The following CUX1 variants were observed in gnomAD, a reference collection of about 807,000 sequenced individuals.
The protein encoded by CUX1 is cut like homeobox 1.
A neutral mutation model predicts 158.8 loss-of-function variants in CUX1; 31 were observed. That is an observed-to-expected ratio of 0.20 (90% confidence interval 0.15 to 0.26). CUX1 has a LOEUF of 0.26. Among genes scored for constraint, CUX1 ranks in the 10% least tolerant of loss-of-function variants. The pLI is 1.00. For synonymous variants in CUX1, 879 were observed against 862.1 expected (o/e 1.02, Z -0.34); for missense variants, 1,589 against 2,014.6 (o/e 0.79, Z 4.04).
upstream of CUX1, chr7:101,816,090 G>T (rs1200889277): frequency 2.9e-6 from 4 of 1,391,408 alleles, no homozygotes; most frequent in Non-Finnish European, 3.8e-6. Flanking sequence ...TACAGCAGCT[G>T]CAGGTCAGGC....
intron 11 of CUX1, 81 bp downstream of exon 11, chr7:102,178,738 C>T: frequency 7.1e-7 from 1 of 1,415,190 alleles, no homozygotes; most frequent in African/African-American, 1.4e-5. Flanking sequence ...ACACCCTCTG[C>T]CTTTCTGGAC....
chr7:101,879,784 C>T (rs1562959168), intron 1 of CUX1, among the ~76,000 whole-genome samples: 2 of 152,268 alleles, frequency 1.3e-5, no homozygotes, highest in Admixed American at 1.3e-4. Flanking sequence ...CCTGCAGGTT[C>T]AGCTCCTGCC....
chr7:102,157,367 T>C (rs1398849436), intron 8 of CUX1, among the ~76,000 whole-genome samples: 1 of 151,862 alleles, frequency 6.6e-6, no homozygotes, highest in Non-Finnish European at 1.5e-5. Flanking sequence ...AGTTCCAGCC[T>C]GTGGCCTTCT....
chr7:102,250,329 A>G lies in CUX1; in HGVS notation c.*1287A>G. 1 of 985,462 alleles carries G rather than the reference A, an allele frequency of 1.0e-6. No homozygotes were observed. Among genetic ancestry groups the G allele is most frequent in the Non-Finnish European group, 1.2e-6 (1 of 829,980 alleles). The allele number at this position is 985,462 out of a possible 1,614,324, so 61.0% of individuals were successfully genotyped here. A position where few individuals can be genotyped will look rare whatever the true frequency, so the allele number is the denominator to read the frequency against. The stretch of plus-strand genomic sequence containing the variant: ...GCCAGACGGGCCCATCCCCAAGTAG[A>G]TAGCAGTCTACGGATCTCTCTCTGG... On this transcript the variant is annotated 3_prime_UTR_variant, in exon 24 of 24. Coordinates refer to ENST00000292535, the MANE Select transcript of CUX1 (RefSeq NM_181552.4).
intron 1 of CUX1, among the ~76,000 whole-genome samples, chr7:101,903,797 A>G (rs781095985): frequency 9.9e-5 from 15 of 152,102 alleles, no homozygotes; most frequent in Non-Finnish European, 2.1e-4. Context: ...TGGCATTTTC[A>G]TCTTCGCAGA....
intron 1 of CUX1, among the ~76,000 whole-genome samples, chr7:101,909,790 T>C (rs755185383): frequency 6.6e-6 from 1 of 152,210 alleles, no homozygotes; most frequent in African/African-American, 2.4e-5. Context: ...GGAGGCATCC[T>C]TTGCAGGCCT....
intron 20 of CUX1, among the ~76,000 whole-genome samples, chr7:102,226,719 C>T (rs1297076070): frequency 3.9e-5 from 6 of 152,174 alleles, no homozygotes; most frequent in African/African-American, 1.2e-4. Flanking sequence ...CAACCTCCAC[C>T]TCCTGGGTGC....
chr7:102,181,974 G>T (rs770131926), intron 11 of CUX1, among the ~76,000 whole-genome samples: 1 of 152,218 alleles, frequency 6.6e-6, no homozygotes, highest in Non-Finnish European at 1.5e-5. Context: ...CCCTGCCCCC[G>T]CAGTCTTGGC....
At chr7:102,186,588 TATA>T (rs782654278) in intron 11 of CUX1, among the ~76,000 whole-genome samples, 1,391 of 123,730 alleles carry the variant, frequency 0.011, 19 homozygotes, top group African/African-American at 0.041. Context: ...TATATATATA[TATA>T]TATATTTTTT....
chr7:102,209,909 C>T (rs113234728), intron 20 of CUX1, among the ~76,000 whole-genome samples: 10,607 of 152,090 alleles, frequency 0.07, 543 homozygotes, highest in African/African-American at 0.13. Flanking sequence ...TATAGACAGA[C>T]GGGGACTCAC....
rs1483805127 is a variant in CUX1 at position 102,250,317 on chromosome 7, AT to A, written c.*1276del. The A allele has an allele frequency of 3.0e-6, 3 of 985,372 alleles. No individual in the cohort carries two copies. The highest frequency in any genetic ancestry group is 1.2e-4 in the Admixed American group (2 of 16,272). The allele number at this position is 985,372 out of a possible 1,614,324, so 61.0% of individuals were successfully genotyped here. Reference sequence around the variant, plus strand: ...GGCAGTTCCAGGGCCAGACGGGCCCATCCCCAAGTAGATAGCAGTCTACGGA... The same window carrying A: ...GGCAGTTCCAGGGCCAGACGGGCCCACCCCAAGTAGATAGCAGTCTACGGA... On this transcript the variant is annotated 3_prime_UTR_variant, in exon 24 of 24. Transcript: ENST00000292535.
intron 2 of CUX1, among the ~76,000 whole-genome samples, chr7:101,963,345 G>A (rs1810744880): frequency 6.6e-6 from 1 of 152,176 alleles, no homozygotes; most frequent in Non-Finnish European, 1.5e-5. Flanking sequence ...TGTATTCCAT[G>A]CGCGACCACG....
At chr7:101,940,055 G>C (rs1807513406) in intron 2 of CUX1, among the ~76,000 whole-genome samples, 1 of 150,134 alleles carries the variant, frequency 6.7e-6, no homozygotes, top group South Asian at 2.1e-4. Flanking sequence ...ACTCCAGCCT[G>C]GGCAATAGAG....
At chr7:102,262,835 G>T (rs1434429007), downstream of CUX1, among the ~76,000 whole-genome samples, 1 of 152,110 alleles carries the variant, frequency 6.6e-6, no homozygotes, top group Non-Finnish European at 1.5e-5. Flanking sequence ...AATACATACC[G>T]AAGGCTGACC....
intron 1 of CUX1, among the ~76,000 whole-genome samples, chr7:101,908,286 C>A (rs4236559): frequency 0.43 from 64,698 of 152,054 alleles, 14,370 homozygotes; most frequent in African/African-American, 0.52. Context: ...ATGGCACTTT[C>A]CCGCATGCAC....
chr7:102,124,371 A>C (rs1243357883), intron 8 of CUX1, among the ~76,000 whole-genome samples: 2 of 152,266 alleles, frequency 1.3e-5, no homozygotes, highest in African/African-American at 4.8e-5. Flanking sequence ...TGTTGCAGGC[A>C]TACCTGCACT....
intron 17 of CUX1, among the ~76,000 whole-genome samples, chr7:102,276,962 C>A (rs1045713520): frequency 1.3e-5 from 2 of 152,132 alleles, no homozygotes; most frequent in South Asian, 4.2e-4. Context: ...TATTATATCT[C>A]AATAATAGTT....
chr7:101,826,608 T>G lies in CUX1; in HGVS notation c.30+8939T>G, dbSNP rs532544458. Among the ~76,000 whole-genome samples, 77 of 152,334 alleles carry G rather than the reference T, an allele frequency of 5.1e-4. 2 individuals carry two copies. Among genetic ancestry groups the G allele is most frequent in the African/African-American group, 1.8e-3 (74 of 41,576 alleles). On this transcript the variant is annotated intron_variant, in intron 1 of 23. Coordinates refer to ENST00000292535, the MANE Select transcript of CUX1 (RefSeq NM_181552.4). ...TTCCCGCCTAGAGGGCGGACAGGAC[T>G]GGCAGGACGAGGCTGGGATGGATGG... is the stretch of plus-strand genomic sequence containing the variant.
intron 8 of CUX1, among the ~76,000 whole-genome samples, chr7:102,155,529 G>C (rs372517072): frequency 5.9e-5 from 9 of 151,836 alleles, no homozygotes; most frequent in Non-Finnish European, 1.2e-4. Context: ...CTGGGTGAGA[G>C]TGAGACCCTG....
Sources: gnomAD v4.1 joint callset for allele counts (sites outside exome capture counted in the v4.1 genomes callset) on GRCh38, gnomAD v4.1.1 for gene constraint, MANE v1.5 for transcripts, NCBI Gene and HGNC (gene_info 2026-07-23, HGNC 2026-07-21) for gene names.